The following LAMC3 variants were observed in gnomAD, a reference collection of about 807,000 sequenced individuals.
LAMC3 encodes the protein laminin subunit gamma 3.
Under a neutral mutation model 173.8 loss-of-function variants are expected in LAMC3, and 128 were observed. The observed-to-expected ratio is 0.74, with a 90% CI of 0.64 to 0.85. The LOEUF is 0.85. Ranked by LOEUF, LAMC3 falls within the 40% of genes least tolerant of loss-of-function variation. The probability of loss-of-function intolerance (pLI) is 0.00; values close to 1 mark genes in which losing one functional copy is unlikely to be tolerated. For missense variants in LAMC3, 2,022 were observed against 2,156.0 expected, an observed-to-expected ratio of 0.94 and a Z score of 1.23; for synonymous variants, 897 against 909.1, an observed-to-expected ratio of 0.99 and a Z score of 0.24.
In LAMC3 at chr9:131,055,455, T is replaced by C. The variant is rs370011036; in HGVS notation, c.1940-1474T>C. On this transcript the variant is annotated intron_variant, in intron 11 of 27. Transcript: ENST00000361069. ...TTTTTTTTTTTTTGAGACGGAGTCT[T>C]GCTCTGTCACCCAGGCTGGAGTGCA... is the stretch of plus-strand genomic sequence containing the variant. 7.1e-5 allele frequency among the ~76,000 whole-genome samples: 10 copies of C among 140,060 alleles called. No homozygotes were observed. In the East Asian group the frequency reaches 1.2e-3, roughly 17 times the overall value. 91.9% of individuals were successfully genotyped at this position (140,060 alleles called of 152,430 possible).
At chr9:131,077,414 C>A in intron 22 of LAMC3, 80 bp downstream of exon 22, 2 of 1,560,098 alleles carry the variant, frequency 1.3e-6, no homozygotes, top group Non-Finnish European at 1.7e-6. Context: ...CGGTGGCTCA[C>A]GCCTGTAATC....
chr9:131,057,903 A>G (rs924604397), intron 12 of LAMC3, among the ~76,000 whole-genome samples: 1 of 152,172 alleles, frequency 6.6e-6, no homozygotes, highest in African/African-American at 2.4e-5. Flanking sequence ...TGCATGTGCT[A>G]GTCACCTTCT....
chr9:131,037,575 C>T (rs889505789), intron 4 of LAMC3, among the ~76,000 whole-genome samples: 6 of 152,178 alleles, frequency 3.9e-5, no homozygotes, highest in African/African-American at 9.7e-5. Context: ...CCAATCATAG[C>T]TCACTGCAGC....
chr9:131,076,020 C>G (rs1014542045), intron 21 of LAMC3, 55 bp downstream of exon 21: 3 of 1,525,274 alleles, frequency 2.0e-6, no homozygotes, highest in Non-Finnish European at 1.8e-6. Flanking sequence ...CTGGAGCCAA[C>G]AGGGCCTAGC....
At chr9:131,081,443 C>CCTCCA (rs1830237449) in intron 23 of LAMC3, among the ~76,000 whole-genome samples, 1 of 140,716 alleles carries the variant, frequency 7.1e-6, no homozygotes, top group Admixed American at 7.3e-5. Context: ...TGTTCCCTCC[C>CCTCCA]TCCCTCCCTC....
intron 1 of LAMC3, among the ~76,000 whole-genome samples, chr9:131,018,011 G>A (rs918247190): frequency 6.6e-6 from 1 of 152,026 alleles, no homozygotes; most frequent in Non-Finnish European, 1.5e-5. Context: ...GGGCGACAGA[G>A]CAAGACTCCA....
At position 131,041,669 on chromosome 9, in the gene LAMC3, A is replaced by T. The variant is rs762250797; in HGVS notation, c.1316A>T (p.Asp439Val). The T allele has an allele frequency of 6.2e-7, 1 of 1,614,140 alleles. No individual in the cohort carries two copies. The highest frequency in any genetic ancestry group is 8.5e-7 in the Non-Finnish European group (1 of 1,180,044). ...PCTCNPAGSL[D>V]TCDPRSGRCP... ...ACTTGCAATCCCGCTGGCAGCCTGG[A>T]CACCTGTGACCCCCGCAGTGGGCGC... The change falls in exon 7 of 28, where the codon GAC becomes GTC. Residue 439 changes from aspartate (D) to valine (V), a missense_variant. Coordinates refer to ENST00000361069, the MANE Select transcript of LAMC3 (RefSeq NM_006059.4).
rs1833937302 is a variant in LAMC3, at chr9:131,036,055, T to C, written c.810-111T>C. On this transcript the variant is annotated intron_variant, in intron 3 of 27. Coordinates refer to ENST00000361069, the MANE Select transcript of LAMC3 (RefSeq NM_006059.4). Reference sequence around the variant, plus strand: ...AGTAGGTGTTCAGTGAGGGCCAAGATTGAGGGTGGAGTCTGGCTCACACCT... The same window carrying C: ...AGTAGGTGTTCAGTGAGGGCCAAGACTGAGGGTGGAGTCTGGCTCACACCT... 16 of 1,118,998 alleles carry C rather than the reference T, an allele frequency of 1.4e-5. No homozygotes were observed. The African/African-American group carries it at 1.7e-4, about 12-fold the overall frequency. The allele number at this position is 1,118,998 out of a possible 1,614,324, so 69.3% of individuals were successfully genotyped here.
In LAMC3 at chr9:131,075,034, C is replaced by T. The variant is rs187126878; in HGVS notation, c.3495-797C>T. 1.6e-4 allele frequency among the ~76,000 whole-genome samples: 24 copies of T among 151,480 alleles called. No individual in the cohort carries two copies. The East Asian group carries it at 4.1e-3, about 26-fold the overall frequency. ...TTCCCAGCACTTTGGGAGGCTGAGGCATGAGGATCGTTTGAGGCAAGGAGT... is the reference window on the plus strand; with the variant it reads ...TTCCCAGCACTTTGGGAGGCTGAGGTATGAGGATCGTTTGAGGCAAGGAGT... On this transcript the variant is annotated intron_variant, in intron 20 of 27. Transcript: ENST00000361069.
In LAMC3 at chr9:131,077,479, C is replaced by T. The variant is rs936868026; in HGVS notation, c.3777+145C>T. 4 of 987,562 alleles carry T rather than the reference C, an allele frequency of 4.1e-6. No individual in the cohort carries two copies. In the African/African-American group the frequency reaches 4.8e-5, roughly 12 times the overall value. 61.2% of individuals were successfully genotyped at this position (987,562 alleles called of 1,614,324 possible). A position where few individuals can be genotyped will look rare whatever the true frequency, so the allele number is the denominator to read the frequency against. On this transcript the variant is annotated intron_variant, in intron 22 of 27. Coordinates refer to ENST00000361069, the MANE Select transcript of LAMC3 (RefSeq NM_006059.4). Reference sequence around the variant, plus strand: ...ATCACCTGAGGTCAGGAGTTTGAGACCACCTGGGCCAACGTAGTGAAACCT... The same window carrying T: ...ATCACCTGAGGTCAGGAGTTTGAGATCACCTGGGCCAACGTAGTGAAACCT...
Position 131,075,909 on chromosome 9 carries a change from C to A in LAMC3, c.3573C>A (p.Leu1191=). ...CCTCCAACACCAGCTACGCGCTTCT[C>A]TGGAATCTGCTGGAGGGAAGGGTGG... ...LLASNTSYAL[L]WNLLEGRVAL... The change falls in exon 21 of 28, where the codon CTC becomes CTA. Residue 1191 remains leucine (L), a synonymous_variant. Transcript: ENST00000361069. 6.2e-7 allele frequency: 1 copy of A among 1,611,976 alleles called. No individual in the cohort carries two copies. The highest frequency in any genetic ancestry group is 8.5e-7 in the Non-Finnish European group (1 of 1,178,832).
At chr9:131,067,893 T>C (rs1172574388) in intron 14 of LAMC3, among the ~76,000 whole-genome samples, 185 bp from the exon 15 acceptor site, 2 of 152,158 alleles carry the variant, frequency 1.3e-5, no homozygotes, top group East Asian at 1.9e-4. Flanking sequence ...TCTAAGGATA[T>C]AGTCAATGGG....
intron 21 of LAMC3, 28 bp from the exon 22 acceptor site, chr9:131,077,159 C>T (rs1284727234): frequency 6.2e-7 from 1 of 1,612,014 alleles, no homozygotes; most frequent in Non-Finnish European, 8.5e-7. Flanking sequence ...GTTCTGCACC[C>T]AGCTCCGTGG....
chr9:131,029,778 C>T lies in LAMC3; in HGVS notation c.679-2267C>T, dbSNP rs781441082. On this transcript the variant is annotated intron_variant, in intron 2 of 27. Transcript: ENST00000361069. The surrounding 1 kb of genome is among the most constrained non-coding windows in gnomAD (Gnocchi z 4.6). ...GAGTAAGACCGCCAGAGTTGAGGGG[C>T]CGCCTGAGCACCCCTTGGACATAGA... Among the ~76,000 whole-genome samples the T allele has an allele frequency of 6.6e-6, 1 of 152,106 alleles. No individual in the cohort carries two copies. Among genetic ancestry groups the T allele is most frequent in the Non-Finnish European group, 1.5e-5 (1 of 68,024 alleles).
At chr9:131,086,625 C>T (rs1412189160) in intron 25 of LAMC3, among the ~76,000 whole-genome samples, 1 of 127,416 alleles carries the variant, frequency 7.8e-6, no homozygotes, top group Non-Finnish European at 1.6e-5. Flanking sequence ...TGGTGGCTAA[C>T]TCCTGTAATC....
intron 11 of LAMC3, among the ~76,000 whole-genome samples, chr9:131,055,616 G>A (rs1459795279): frequency 6.6e-5 from 10 of 151,058 alleles, no homozygotes; most frequent in Non-Finnish European, 1.0e-4. Flanking sequence ...TAGTAGAGAC[G>A]GGGTTTCACC....
chr9:131,067,557 C>T (rs1252154811), intron 14 of LAMC3, among the ~76,000 whole-genome samples: 3 of 152,210 alleles, frequency 2.0e-5, no homozygotes, highest in Non-Finnish European at 4.4e-5. Flanking sequence ...TCAGTTAACA[C>T]TCAGCCCCTG....
intron 3 of LAMC3, 44 bp downstream of exon 3, chr9:131,032,219 A>G (rs1833837450): frequency 1.1e-6 from 1 of 905,728 alleles, no homozygotes; most frequent in South Asian, 1.3e-5. Flanking sequence ...TCCAGGACCC[A>G]AACCCGAGAG....
At chr9:131,036,484 G>A in intron 4 of LAMC3, 152 bp downstream of exon 4, 1 of 869,080 alleles carries the variant, frequency 1.2e-6, no homozygotes, top group Non-Finnish European at 1.9e-6. Context: ...ATAAGGACGA[G>A]CAGAAGGGGA....
Sources: allele counts gnomAD v4.1 joint callset (sites outside exome capture counted in the v4.1 genomes callset), GRCh38; gene constraint gnomAD v4.1.1; non-coding constraint Gnocchi (gnomAD v3.1); transcripts MANE v1.5; gene names NCBI Gene and HGNC (gene_info 2026-07-23, HGNC 2026-07-21).